The following SVEP1 variants were observed in gnomAD, a reference collection of about 807,000 sequenced individuals.
SVEP1 encodes the protein sushi, von Willebrand factor type A, EGF and pentraxin domain-containing protein 1.
SVEP1 carries 164 observed loss-of-function variants against 367.3 expected under a neutral mutation model. That is an observed-to-expected ratio of 0.45 (90% confidence interval 0.39 to 0.51). The LOEUF (loss-of-function observed/expected upper bound fraction) is 0.51, where lower values mean the gene tolerates loss of function less well. Ranked by LOEUF, SVEP1 falls within the 20% of genes least tolerant of loss-of-function variation. SVEP1 has a pLI of 0.00. For missense variants in SVEP1, 4,117 were observed against 4,425.3 expected (o/e 0.93, Z 1.98); for synonymous variants, 1,666 against 1,611.6 (o/e 1.03, Z -0.81).
At position 110,392,133 on chromosome 9, in the gene SVEP1, T is replaced by TTATATATATATATATATATATATATA. The variant is rs35109985; in HGVS notation, c.9823-2547_9823-2546insTATATATATATATATATATATATATA. 1.2e-3 allele frequency among the ~76,000 whole-genome samples: 119 copies of TTATATATATATATATATATATATATA among 99,448 alleles called. 1 individual carries two copies. The highest frequency in any genetic ancestry group is 1.6e-3 in the Admixed American group (15 of 9,606). The allele number at this position is 99,448 out of a possible 152,430, so 65.2% of individuals were successfully genotyped here. On this transcript the variant is annotated intron_variant, in intron 40 of 47. Transcript: ENST00000374469. ...CATTAACTTGTGACCCAATTCCTCA[T>TTATATATATATATATATATATATATA]TATATATATATATATATATATCTCT...
At chr9:110,453,575 A>G (rs1828730927) in intron 22 of SVEP1, among the ~76,000 whole-genome samples, 1 of 151,980 alleles carries the variant, frequency 6.6e-6, no homozygotes, top group African/African-American at 2.4e-5. Context: ...CTTTAATAAT[A>G]GCCATTCTGG....
At chr9:110,493,829 G>A (rs1829406998) in intron 8 of SVEP1, among the ~76,000 whole-genome samples, 1 of 152,302 alleles carries the variant, frequency 6.6e-6, no homozygotes, top group Middle Eastern at 3.4e-3. Context: ...GTCTTACAGG[G>A]TTGAAATGAA....
rs1413158605 is a variant in SVEP1 at position 110,468,891 on chromosome 9, GA to G, written c.3160+48del. ...ATAAATCTTTCTTTCCCCCAAAAGG[GA>G]AACAAAAATTGGGCTGCTTCTAGTT... On this transcript the variant is annotated intron_variant, in intron 17 of 47. Coordinates refer to ENST00000374469, the MANE Select transcript of SVEP1 (RefSeq NM_153366.4). 2.0e-6 allele frequency: 3 copies of G among 1,494,294 alleles called. No individual in the cohort carries two copies. In the East Asian group the frequency reaches 7.2e-5, roughly 36 times the overall value. 92.6% of individuals were successfully genotyped at this position (1,494,294 alleles called of 1,614,324 possible).
intron 43 of SVEP1, among the ~76,000 whole-genome samples, chr9:110,381,144 C>G (rs1232336924): frequency 6.6e-6 from 1 of 151,782 alleles, no homozygotes; most frequent in East Asian, 1.9e-4. Context: ...TTACTTTTTT[C>G]AGAAAAACAG....
chr9:110,557,561 A>G (rs1290109792), intron 1 of SVEP1, among the ~76,000 whole-genome samples: 3 of 146,870 alleles, frequency 2.0e-5, no homozygotes, highest in African/African-American at 7.6e-5. Flanking sequence ...TATATCTTAC[A>G]TTCTACCTTT....
chr9:110,454,664 T>C (rs1330239067), intron 22 of SVEP1, among the ~76,000 whole-genome samples: 1 of 152,192 alleles, frequency 6.6e-6, no homozygotes, highest in South Asian at 2.1e-4. Context: ...TGCAGCAACA[T>C]GGATGCAGCT....
At chr9:110,424,008 A>C (rs1828214918) in intron 36 of SVEP1, among the ~76,000 whole-genome samples, 1 of 152,228 alleles carries the variant, frequency 6.6e-6, no homozygotes, top group South Asian at 2.1e-4. Flanking sequence ...ATTGTAGGCA[A>C]AGTTGTGGAG....
intron 1 of SVEP1, among the ~76,000 whole-genome samples, chr9:110,577,001 C>G (rs1216218317): frequency 6.6e-6 from 1 of 151,928 alleles, no homozygotes; most frequent in Non-Finnish European, 1.5e-5. Flanking sequence ...GAAGGCTATT[C>G]TAAGACTTTG....
intron 36 of SVEP1, among the ~76,000 whole-genome samples, chr9:110,427,318 A>G (rs1280272194): frequency 2.0e-5 from 3 of 151,792 alleles, no homozygotes; most frequent in Admixed American, 2.0e-4. Context: ...AAAAAAAAAA[A>G]AAAAAAAGTA....
chr9:110,446,897 T>C lies in SVEP1; in HGVS notation c.4261+3A>G, dbSNP rs1240416211. 5 of 1,527,112 alleles carry C rather than the reference T, an allele frequency of 3.3e-6. No homozygotes were observed. Among genetic ancestry groups the C allele is most frequent in the African/African-American group, 1.4e-5 (1 of 72,326 alleles). 94.6% of individuals were successfully genotyped at this position (1,527,112 alleles called of 1,614,324 possible). A position where few individuals can be genotyped will look rare whatever the true frequency, so the allele number is the denominator to read the frequency against. ...TTATTAATAACACTGAGTTGATACA[T>C]ACCTGTTTCACACCTTTTGCCTGAA... is the stretch of plus-strand genomic sequence containing the variant. On this transcript the variant is annotated splice_donor_region_variant and intron_variant, in intron 25 of 47. Transcript: ENST00000374469.
rs368929962 is a variant in SVEP1, at chr9:110,471,412, C to A, written c.2950G>T (p.Ala984Ser). 9.3e-6 allele frequency: 15 copies of A among 1,613,822 alleles called. No individual in the cohort carries two copies. The African/African-American group carries it at 1.7e-4, about 19-fold the overall frequency. The stretch of plus-strand genomic sequence containing the variant: ...GAGCCTGGTCTGCAGAAGGGGGAAG[C>A]CTTTTTTGTTTCTAATGAATTGCTG... ...ADSNSLETKKASPFCRPGSVL... is the reference protein window; with the variant it reads ...ADSNSLETKKSSPFCRPGSVL... Residue 984 changes from alanine to serine, a missense_variant, in exon 16 of 48, where the codon GCT becomes TCT. Around this residue, in one of 4 missense-constraint regions of SVEP1, gnomAD observed 2,174 missense variants for 2,494.3 expected, o/e 0.87. Transcript: ENST00000374469.
Position 110,535,257 on chromosome 9 carries a change from A to G in SVEP1, c.964+10858T>C, listed in dbSNP as rs147278121. On this transcript the variant is annotated intron_variant, in intron 3 of 47. Coordinates refer to ENST00000374469, the MANE Select transcript of SVEP1 (RefSeq NM_153366.4). ...TATGGCTAGCCAGTTATCCCAGCAC[A>G]ATTTATTGAAAAAGGAGTCCTTTCC... Among the ~76,000 whole-genome samples, 3 of 152,036 alleles carry G rather than the reference A, an allele frequency of 2.0e-5. No individual in the cohort carries two copies. In the East Asian group the frequency reaches 5.8e-4, roughly 29 times the overall value.
At chr9:110,572,457 C>T (rs200088128) in intron 1 of SVEP1, among the ~76,000 whole-genome samples, 1 of 152,088 alleles carries the variant, frequency 6.6e-6, no homozygotes, top group Non-Finnish European at 1.5e-5. Context: ...TTATTACATA[C>T]CAGTGTCCTA....
chr9:110,428,110 G>A (rs1027525160), intron 35 of SVEP1, among the ~76,000 whole-genome samples: 2 of 152,080 alleles, frequency 1.3e-5, no homozygotes. Context: ...CAGGAAGAAA[G>A]ACACTCACCT....
chr9:110,566,419 A>C (rs1830495173), intron 1 of SVEP1, among the ~76,000 whole-genome samples: 1 of 152,168 alleles, frequency 6.6e-6, no homozygotes, highest in South Asian at 2.1e-4. Flanking sequence ...TAATAAATTC[A>C]TATGGGTAAA....
In SVEP1 at chr9:110,512,979, A is replaced by C. The variant is rs1185338357; in HGVS notation, c.1250T>G (p.Ile417Ser). Residue 417 changes from isoleucine (I) to serine (S), a missense_variant, in exon 5 of 48, where the codon ATC becomes AGC. Ile to Ser is a moderately radical substitution (Grantham distance 142, BLOSUM62 -2). This residue lies in a region of SVEP1 where 2,174 missense variants were observed against 2,494.3 expected (regional missense o/e 0.87). Transcript: ENST00000374469. ...CAAACCATTGGGTAGACATAAGATG[A>C]TGCTGCTTCCCACAAGATCAAATCC... ...HPGFDLVGSS[I>S]ILCLPNGLWS... The C allele has an allele frequency of 1.9e-6, 3 of 1,614,022 alleles. No homozygotes were observed. Among genetic ancestry groups the C allele is most frequent in the Non-Finnish European group, 1.7e-6 (2 of 1,179,886 alleles).
In SVEP1 at chr9:110,445,861, G is replaced by A. The variant is rs1417627433; in HGVS notation, c.4439C>T (p.Thr1480Ile). Residue 1480 changes from threonine to isoleucine, a missense_variant, in exon 26 of 48, where the codon ACC becomes ATC. By Grantham distance (89) the Thr-to-Ile change is moderately conservative (BLOSUM62 -1). Transcript: ENST00000374469. ...SYAVDNGSDN[T>I]LLLTDYNGWV... ...CCCGTTATAATCAGTCAGGAGCAAGGTATTGTCGCTGCCGTTATCAACTGC... is the reference window on the plus strand; with the variant it reads ...CCCGTTATAATCAGTCAGGAGCAAGATATTGTCGCTGCCGTTATCAACTGC... The A allele has an allele frequency of 1.9e-6, 3 of 1,613,824 alleles. No homozygotes were observed. Among genetic ancestry groups the A allele is most frequent in the Non-Finnish European group, 2.5e-6 (3 of 1,179,786 alleles).
chr9:110,460,528 G>C (rs534181705), intron 18 of SVEP1, among the ~76,000 whole-genome samples: 1 of 152,142 alleles, frequency 6.6e-6, no homozygotes, highest in Non-Finnish European at 1.5e-5. Context: ...TGAGGTGGGC[G>C]AATCACTTGA....
At chr9:110,556,641 C>T (rs908080788) in intron 1 of SVEP1, among the ~76,000 whole-genome samples, 6 of 151,986 alleles carry the variant, frequency 3.9e-5, no homozygotes, top group South Asian at 4.2e-4. Context: ...ATTACAGGCA[C>T]GTGCCACCAC....
Sources: allele counts gnomAD v4.1 joint callset (sites outside exome capture counted in the v4.1 genomes callset), GRCh38; gene constraint gnomAD v4.1.1; regional missense constraint gnomAD v4.1.1; transcripts MANE v1.5; gene names NCBI Gene and HGNC (gene_info 2026-07-23, HGNC 2026-07-21).